Variants in LINGO2 observed in about 807,000 individuals in gnomAD.
LINGO2 encodes leucine rich repeat and Ig domain containing 2.
LINGO2 carries 14 observed loss-of-function variants against 30.6 expected under a neutral mutation model. The observed-to-expected ratio is 0.46, with a 90% CI of 0.30 to 0.72. The LOEUF (loss-of-function observed/expected upper bound fraction) is 0.72, where lower values mean the gene tolerates loss of function less well. Among genes scored for constraint, LINGO2 ranks in the 30% least tolerant of loss-of-function variants. LINGO2 has a pLI of 0.07. For synonymous variants in LINGO2, 317 were observed against 288.5 expected, an observed-to-expected ratio of 1.10 and a Z score of -1.00; for missense variants, 729 against 751.7, an observed-to-expected ratio of 0.97 and a Z score of 0.35.
chr9:28,159,043 A>G (rs1408195057), intron 4 of LINGO2, among the ~76,000 whole-genome samples: 1 of 152,230 alleles, frequency 6.6e-6, no homozygotes, highest in Non-Finnish European at 1.5e-5. Context: ...AAGGCTAGAT[A>G]TGAATGACTG....
At chr9:28,117,382 C>A (rs1370448450) in intron 4 of LINGO2, among the ~76,000 whole-genome samples, 264 of 121,602 alleles carry the variant, frequency 2.2e-3, no homozygotes, top group African/African-American at 7.8e-3. Flanking sequence ...GTGCCCTGCC[C>A]CCAGAGGTGG....
intron 2 of LINGO2, among the ~76,000 whole-genome samples, chr9:28,382,672 A>G (rs1267194394): frequency 6.6e-6 from 1 of 152,118 alleles, no homozygotes; most frequent in East Asian, 1.9e-4. Flanking sequence ...GTACATTTCA[A>G]TAAAAAACAC....
chr9:29,103,645 C>A, the LINGO2 span, among the ~76,000 whole-genome samples: 4 of 152,132 alleles, frequency 2.6e-5, no homozygotes, highest in East Asian at 5.8e-4. Context: ...AATATCAATA[C>A]TTTCTTTCTT....
chr9:28,328,611 CT>C (rs1231379274), intron 3 of LINGO2, among the ~76,000 whole-genome samples: 4 of 150,986 alleles, frequency 2.6e-5, no homozygotes, highest in African/African-American at 9.7e-5. Context: ...TTAATTTAAT[CT>C]TGGGAATGGC....
At chr9:28,591,552 C>G (rs1349281357) in intron 1 of LINGO2, among the ~76,000 whole-genome samples, 2 of 151,928 alleles carry the variant, frequency 1.3e-5, no homozygotes, top group African/African-American at 4.8e-5. Flanking sequence ...CTTGTTTTCC[C>G]AAACCCCAAG....
At chr9:28,576,587 G>A (rs565228168) in intron 1 of LINGO2, among the ~76,000 whole-genome samples, 1 of 152,252 alleles carries the variant, frequency 6.6e-6, no homozygotes, top group South Asian at 2.1e-4. Flanking sequence ...GGTATAACTT[G>A]AGAATAATTC....
At chr9:28,854,859 C>T in the LINGO2 span, among the ~76,000 whole-genome samples, 1 of 151,846 alleles carries the variant, frequency 6.6e-6, no homozygotes, top group Admixed American at 6.6e-5. Flanking sequence ...ATTAACAGAG[C>T]CACATGCTTG....
the LINGO2 span, among the ~76,000 whole-genome samples, chr9:29,128,584 C>T: frequency 7.2e-5 from 11 of 152,056 alleles, no homozygotes; most frequent in African/African-American, 2.7e-4. Context: ...GTGACACTCT[C>T]CTTTGGTGCT....
chr9:28,309,586 A>G (rs1824524569), intron 3 of LINGO2, among the ~76,000 whole-genome samples: 1 of 151,964 alleles, frequency 6.6e-6, no homozygotes, highest in African/African-American at 2.4e-5. Flanking sequence ...GTATAATAAT[A>G]ATAAAAAAAA....
intron 4 of LINGO2, among the ~76,000 whole-genome samples, chr9:28,125,304 C>T (rs1827205869): frequency 6.6e-6 from 1 of 152,158 alleles, no homozygotes; most frequent in Non-Finnish European, 1.5e-5. Context: ...GTAGTTTCTT[C>T]TGTAATTAAA....
chr9:28,999,816 C>T, the LINGO2 span, among the ~76,000 whole-genome samples: 1 of 151,996 alleles, frequency 6.6e-6, no homozygotes, highest in South Asian at 2.1e-4. Context: ...CAGTAGAAAA[C>T]ATTTTTACCA....
intron 1 of LINGO2, among the ~76,000 whole-genome samples, chr9:28,610,743 C>T (rs781192084): frequency 2.0e-5 from 3 of 151,984 alleles, no homozygotes; most frequent in Non-Finnish European, 4.4e-5. Flanking sequence ...TAAAACAGAA[C>T]AAAAAAGCTA....
the LINGO2 span, among the ~76,000 whole-genome samples, chr9:28,990,411 C>T: frequency 6.6e-6 from 1 of 152,322 alleles, no homozygotes; most frequent in Admixed American, 6.5e-5. Flanking sequence ...TCTGTAGGCT[C>T]CACCTCTGGG....
At chr9:29,070,208 C>G in the LINGO2 span, among the ~76,000 whole-genome samples, 1 of 152,066 alleles carries the variant, frequency 6.6e-6, no homozygotes, top group Non-Finnish European at 1.5e-5. Flanking sequence ...ATAACATACT[C>G]AAGGTCACAG....
chr9:28,302,720 A>G (rs1168774750), intron 3 of LINGO2, among the ~76,000 whole-genome samples: 1 of 152,212 alleles, frequency 6.6e-6, no homozygotes, highest in Non-Finnish European at 1.5e-5. Context: ...AGTAGGGATG[A>G]ATCAAAAGTA....
the LINGO2 span, among the ~76,000 whole-genome samples, chr9:28,756,194 G>A: frequency 6.6e-6 from 1 of 152,010 alleles, no homozygotes; most frequent in South Asian, 2.1e-4. Flanking sequence ...TGCCCTGGAT[G>A]TGAGATGTGG....
chr9:28,220,863 G>GA (rs550454621), intron 4 of LINGO2, among the ~76,000 whole-genome samples: 6 of 151,732 alleles, frequency 4.0e-5, no homozygotes, highest in South Asian at 2.1e-4. Flanking sequence ...CAGCCCAAAG[G>GA]AAAAAAACCC....
At chr9:28,861,056 A>G in the LINGO2 span, among the ~76,000 whole-genome samples, 3 of 127,410 alleles carry the variant, frequency 2.4e-5, no homozygotes, top group Middle Eastern at 3.5e-3. Flanking sequence ...TAAATGTATA[A>G]TATGTATTAT....
At chr9:28,555,517 C>T (rs1174803505) in intron 1 of LINGO2, among the ~76,000 whole-genome samples, 1 of 151,904 alleles carries the variant, frequency 6.6e-6, no homozygotes, top group African/African-American at 2.4e-5. Flanking sequence ...AGCTTACCAA[C>T]CAATAAGAGT....
Sources: gnomAD v4.1 joint callset for allele counts (sites outside exome capture counted in the v4.1 genomes callset) on GRCh38, gnomAD v4.1.1 for gene constraint, MANE v1.5 for transcripts, NCBI Gene and HGNC (gene_info 2026-07-23, HGNC 2026-07-21) for gene names.